The following IFFO2 variants were observed in gnomAD, a reference collection of about 807,000 sequenced individuals.
IFFO2 encodes the protein intermediate filament family orphan 2.
In IFFO2, 19 loss-of-function variants were observed where a neutral mutation model predicts 53.5. The observed-to-expected ratio is 0.36, with a 90% CI of 0.25 to 0.52. The LOEUF (loss-of-function observed/expected upper bound fraction) is 0.52, where lower values mean the gene tolerates loss of function less well. Ranked by LOEUF, IFFO2 falls within the 20% of genes least tolerant of loss-of-function variation. IFFO2 has a pLI of 0.94. For synonymous variants in IFFO2, 303 were observed against 313.6 expected (o/e 0.97, Z 0.36); for missense variants, 570 against 727.4 (o/e 0.78, Z 2.49).
rs1935960914 is a variant in IFFO2, at chr1:18,907,135, C to A, written c.*1426G>T. ...TGACCACTAGAGGGAGCTCCTGGGA[C>A]AATAAAAAATTAAAATTGGCAACAG... On this transcript the variant is annotated 3_prime_UTR_variant, in exon 9 of 9. Transcript: ENST00000455833. The A allele has an allele frequency of 6.6e-6, 1 of 152,088 alleles. No homozygotes were observed. The highest frequency in any genetic ancestry group is 2.4e-5 in the African/African-American group (1 of 41,380). The allele number at this position is 152,088 out of a possible 1,614,324, so 9.4% of individuals were successfully genotyped here.
intron 1 of IFFO2, among the ~76,000 whole-genome samples, chr1:18,945,315 A>G (rs1936572940): frequency 6.6e-6 from 1 of 151,970 alleles, no homozygotes; most frequent in Non-Finnish European, 1.5e-5. Context: ...ACCACCCCCC[A>G]AGATGGCCTT....
intron 1 of IFFO2, among the ~76,000 whole-genome samples, chr1:18,954,432 G>A (rs753749376): frequency 3.9e-5 from 6 of 152,250 alleles, no homozygotes; most frequent in Admixed American, 1.3e-4. Flanking sequence ...TTGCTAGCCT[G>A]TCCAATGGGA....
Position 18,919,637 on chromosome 1 carries a change from G to C in IFFO2, c.822+41C>G, listed in dbSNP as rs1157163334. On this transcript the variant is annotated intron_variant, in intron 3 of 8. Coordinates refer to ENST00000455833, the MANE Select transcript of IFFO2 (RefSeq NM_001136265.2). This position sits in a 1 kb window ranked among gnomAD's most constrained non-coding sequence, Gnocchi z 4.9. ...ATGAAGCATTTTGCATGATGGGTGT[G>C]GGGGAGGTCATGACACCCAGGGGCG... 2 of 1,305,706 alleles carry C rather than the reference G, an allele frequency of 1.5e-6. No individual in the cohort carries two copies. Among genetic ancestry groups the C allele is most frequent in the Admixed American group, 2.0e-5 (1 of 50,670 alleles). The allele number at this position is 1,305,706 out of a possible 1,614,324, so 80.9% of individuals were successfully genotyped here.
At chr1:18,925,725 G>C (rs1216410515) in intron 1 of IFFO2, among the ~76,000 whole-genome samples, 1 of 152,274 alleles carries the variant, frequency 6.6e-6, no homozygotes, top group African/African-American at 2.4e-5. Flanking sequence ...CTGGGCACTT[G>C]CTAAGGAGTC....
chr1:18,922,894 G>T (rs1936234591), intron 1 of IFFO2, among the ~76,000 whole-genome samples: 1 of 152,060 alleles, frequency 6.6e-6, no homozygotes, highest in South Asian at 2.1e-4. Context: ...AGAAGAGCAG[G>T]CCCCATGTTG....
chr1:18,936,305 T>C lies in IFFO2; in HGVS notation c.666-15184A>G, dbSNP rs1446626511. ...CCTTGAAGCCTGGGCCTACCTTGCA[T>C]GGAGCAGATGATGGGAAAGTTGGTG... On this transcript the variant is annotated intron_variant, in intron 1 of 8. Coordinates refer to ENST00000455833, the MANE Select transcript of IFFO2 (RefSeq NM_001136265.2). This position sits in a 1 kb window ranked among gnomAD's most constrained non-coding sequence, Gnocchi z 4.5. Among the ~76,000 whole-genome samples the C allele has an allele frequency of 1.3e-5, 2 of 152,198 alleles. No homozygotes were observed. The highest frequency in any genetic ancestry group is 4.8e-5 in the African/African-American group (2 of 41,464).
Position 18,905,350 on chromosome 1 carries a change from C to CAT in IFFO2, c.*3209_*3210dup, listed in dbSNP as rs1435573211. ...CATTCAATCCAGCAACAACATGCAC[C>CAT]ATGTCTCGTCCACAGGAAAATGCTG... On this transcript the variant is annotated 3_prime_UTR_variant, in exon 9 of 9. Coordinates refer to ENST00000455833, the MANE Select transcript of IFFO2 (RefSeq NM_001136265.2). 3.3e-5 allele frequency: 5 copies of CAT among 152,180 alleles called. No homozygotes were observed. Among genetic ancestry groups the CAT allele is most frequent in the African/African-American group, 1.2e-4 (5 of 41,436 alleles). The allele number at this position is 152,180 out of a possible 1,614,324, so 9.4% of individuals were successfully genotyped here. A position where few individuals can be genotyped will look rare whatever the true frequency, so the allele number is the denominator to read the frequency against.
chr1:18,935,039 A>G (rs28520270), intron 1 of IFFO2, among the ~76,000 whole-genome samples: 71,704 of 152,074 alleles, frequency 0.47, 19,464 homozygotes, highest in African/African-American at 0.74. Context: ...GTGACGTGTT[A>G]GAGAGAACGC....
intron 8 of IFFO2, among the ~76,000 whole-genome samples, chr1:18,909,083 C>A (rs1935994451): frequency 6.6e-6 from 1 of 151,798 alleles, no homozygotes; most frequent in African/African-American, 2.4e-5. Context: ...GGTGGGGGAA[C>A]TTGGGCAAAC....
At position 18,919,536 on chromosome 1, in the gene IFFO2, GCA is replaced by G; in HGVS notation, c.822+140_822+141del. ...GTGCCTGGTCTCCGATGCATCCAAT[GCA>G]TCCGTCATCCTCATGGTCAAACACA... On this transcript the variant is annotated intron_variant, in intron 3 of 8. Transcript: ENST00000455833. This position sits in a 1 kb window ranked among gnomAD's most constrained non-coding sequence, Gnocchi z 4.9. 1.5e-6 allele frequency: 1 copy of G among 656,226 alleles called. No homozygotes were observed. Among genetic ancestry groups the G allele is most frequent in the Non-Finnish European group, 2.8e-6 (1 of 361,242 alleles). The allele number at this position is 656,226 out of a possible 1,614,324, so 40.7% of individuals were successfully genotyped here.
Position 18,921,053 on chromosome 1 carries a change from G to T in IFFO2, c.726+8C>A. The T allele has an allele frequency of 1.0e-5, 16 of 1,551,544 alleles. No individual in the cohort carries two copies. The highest frequency in any genetic ancestry group is 1.4e-5 in the Non-Finnish European group (16 of 1,146,694). ...CCTCTCCTGGTCGGGATATCGGAGGGCTCTTACCTCCTGCAGCGTGTCCAC... is the reference window on the plus strand; with the variant it reads ...CCTCTCCTGGTCGGGATATCGGAGGTCTCTTACCTCCTGCAGCGTGTCCAC... On this transcript the variant is annotated splice_region_variant and intron_variant, in intron 2 of 8. Coordinates refer to ENST00000455833, the MANE Select transcript of IFFO2 (RefSeq NM_001136265.2).
rs1203319639 is a variant in IFFO2 at position 18,928,874 on chromosome 1, G to A, written c.666-7753C>T. 6.6e-6 allele frequency among the ~76,000 whole-genome samples: 1 copy of A among 152,218 alleles called. No homozygotes were observed. The highest frequency in any genetic ancestry group is 2.4e-5 in the African/African-American group (1 of 41,460). On this transcript the variant is annotated intron_variant, in intron 1 of 8. Transcript: ENST00000455833. The surrounding 1 kb of genome is among the most constrained non-coding windows in gnomAD (Gnocchi z 4.9). The stretch of plus-strand genomic sequence containing the variant: ...TAGGGCCCTTCCTTGGAGTCCAGAA[G>A]TGGTGACAGCCTCAGGGATACCAAC...
At position 18,908,316 on chromosome 1, in the gene IFFO2, T is replaced by C. The variant is rs1935981110; in HGVS notation, c.*245A>G. ...TCCGCACAGAAGTCTGCATTTGTAA[T>C]GTGGAGAACAATAGAAATTGACAGC... On this transcript the variant is annotated 3_prime_UTR_variant, in exon 9 of 9. Coordinates refer to ENST00000455833, the MANE Select transcript of IFFO2 (RefSeq NM_001136265.2). 2.0e-6 allele frequency: 1 copy of C among 504,260 alleles called. No individual in the cohort carries two copies. The highest frequency in any genetic ancestry group is 2.1e-5 in the South Asian group (1 of 48,232). 31.2% of individuals were successfully genotyped at this position (504,260 alleles called of 1,614,324 possible).
chr1:18,947,488 G>A lies in IFFO2; in HGVS notation c.665+8180C>T, dbSNP rs555846526. On this transcript the variant is annotated intron_variant, in intron 1 of 8. Transcript: ENST00000455833. The surrounding 1 kb of genome is among the most constrained non-coding windows in gnomAD (Gnocchi z 5.0). ...GCTTGCAATGGGCATGGCCCTTTCTGGGTACAGCACAGGATAAAGGTTGGA... is the reference window on the plus strand; with the variant it reads ...GCTTGCAATGGGCATGGCCCTTTCTAGGTACAGCACAGGATAAAGGTTGGA... Among the ~76,000 whole-genome samples, 43 of 152,324 alleles carry A rather than the reference G, an allele frequency of 2.8e-4. No individual in the cohort carries two copies. Among genetic ancestry groups the A allele is most frequent in the African/African-American group, 9.9e-4 (41 of 41,564 alleles).
rs1392158252 is a variant in IFFO2, at chr1:18,906,947, T to C, written c.*1614A>G. The C allele has an allele frequency of 6.6e-6, 1 of 152,194 alleles. No homozygotes were observed. The highest frequency in any genetic ancestry group is 2.4e-5 in the African/African-American group (1 of 41,440). The allele number at this position is 152,194 out of a possible 1,614,324, so 9.4% of individuals were successfully genotyped here. On this transcript the variant is annotated 3_prime_UTR_variant, in exon 9 of 9. Transcript: ENST00000455833. The stretch of plus-strand genomic sequence containing the variant: ...CATATATCTTTTATGTACAGTATTT[T>C]TAAGACTGTAACACAGGTGGGGGAA...
chr1:18,955,071 G>A (rs1344136624), intron 1 of IFFO2, among the ~76,000 whole-genome samples: 1 of 152,158 alleles, frequency 6.6e-6, no homozygotes, highest in Non-Finnish European at 1.5e-5. Flanking sequence ...CAGGGGGTAG[G>A]GGCAGATCCA....
chr1:18,923,109 C>G (rs551347611), intron 1 of IFFO2, among the ~76,000 whole-genome samples: 1 of 152,232 alleles, frequency 6.6e-6, no homozygotes, highest in Non-Finnish European at 1.5e-5. Context: ...CGAGCCCCGG[C>G]AAGCCTCTGG....
intron 1 of IFFO2, among the ~76,000 whole-genome samples, chr1:18,954,037 G>T (rs763229100): frequency 2.0e-5 from 3 of 152,160 alleles, no homozygotes; most frequent in Non-Finnish European, 4.4e-5. Flanking sequence ...CAATGACATT[G>T]ACCATGAGGG....
chr1:18,951,634 T>C (rs1202509220), intron 1 of IFFO2, among the ~76,000 whole-genome samples: 1 of 152,202 alleles, frequency 6.6e-6, no homozygotes, highest in Non-Finnish European at 1.5e-5. Context: ...CCCCTACCAG[T>C]CCATGGCAAC....
Sources: allele counts gnomAD v4.1 joint callset (sites outside exome capture counted in the v4.1 genomes callset), GRCh38; gene constraint gnomAD v4.1.1; non-coding constraint Gnocchi (gnomAD v3.1); transcripts MANE v1.5; gene names NCBI Gene and HGNC (gene_info 2026-07-23, HGNC 2026-07-21).